COG5: variants seen among roughly 807,000 people sequenced by gnomAD.
The protein encoded by COG5 is conserved oligomeric Golgi complex subunit 5.
In COG5, 86 loss-of-function variants were observed where a neutral mutation model predicts 110.4. That is an observed-to-expected ratio of 0.78 (90% confidence interval 0.65 to 0.93). The LOEUF (loss-of-function observed/expected upper bound fraction) is 0.93. Ranked by LOEUF, COG5 falls within the 40% of genes least tolerant of loss-of-function variation. COG5 has a pLI of 0.00. For synonymous variants in COG5, 360 were observed against 334.6 expected, an observed-to-expected ratio of 1.08 and a Z score of -0.83; for missense variants, 1,077 against 987.0, an observed-to-expected ratio of 1.09 and a Z score of -1.22.
intron 11 of COG5, among the ~76,000 whole-genome samples, chr7:107,300,869 A>T (rs1268579058): frequency 6.6e-6 from 1 of 152,158 alleles, no homozygotes; most frequent in East Asian, 1.9e-4. Flanking sequence ...CAAAAACAAC[A>T]ATGTTGGAGT....
At chr7:107,388,463 A>G (rs1790364191) in intron 7 of COG5, among the ~76,000 whole-genome samples, 1 of 152,200 alleles carries the variant, frequency 6.6e-6, no homozygotes, top group Non-Finnish European at 1.5e-5. Context: ...AACATTCCAC[A>G]GGCATCCCAT....
At chr7:107,394,858 T>C (rs1790875443) in intron 7 of COG5, among the ~76,000 whole-genome samples, 1 of 152,190 alleles carries the variant, frequency 6.6e-6, no homozygotes, top group Non-Finnish European at 1.5e-5. Context: ...GGACTAACAA[T>C]CACATTTTAC....
In COG5 at chr7:107,563,725, T is replaced by A. The variant is rs565367638; in HGVS notation, c.94+78A>T. 2.6e-6 allele frequency: 4 copies of A among 1,537,612 alleles called. No homozygotes were observed. In the African/African-American group the frequency reaches 5.4e-5, roughly 21 times the overall value. On this transcript the variant is annotated intron_variant, in intron 1 of 21. Coordinates refer to ENST00000297135, the MANE Select transcript of COG5 (RefSeq NM_006348.5). ...GGAAAACTTTCTGCAAAGCAACGGG[T>A]TGGGTCCACCTCGCTGTCCAGGTGC...
At chr7:107,324,164 CAG>C (rs1287443092) in intron 11 of COG5, among the ~76,000 whole-genome samples, 3 of 152,086 alleles carry the variant, frequency 2.0e-5, no homozygotes, top group South Asian at 4.1e-4. Flanking sequence ...AAAATTCAGA[CAG>C]AGTTCTTCTG....
intron 18 of COG5, among the ~76,000 whole-genome samples, chr7:107,231,555 G>A (rs900650076): frequency 1.3e-5 from 2 of 152,110 alleles, no homozygotes; most frequent in East Asian, 1.9e-4. Context: ...TATAAATAGC[G>A]CCCTGGTAAA....
intron 14 of COG5, among the ~76,000 whole-genome samples, chr7:107,262,338 TTTCAGCAGTGAGTGATATC>T (rs1461802569): frequency 2.6e-5 from 4 of 152,162 alleles, no homozygotes; most frequent in African/African-American, 7.2e-5. Flanking sequence ...TTAAAATCAA[TTTCAGCAGTGAGTGATATC>T]TTCAGCAGTG....
rs1793710636 is a variant in COG5, at chr7:107,427,378, A to T, written c.539-14746T>A. On this transcript the variant is annotated intron_variant, in intron 6 of 21. Coordinates refer to ENST00000297135, the MANE Select transcript of COG5 (RefSeq NM_006348.5). ...TCTTCACTAAACTCCCTTCATGTTAACTCCCTGTGAAAACACTGCACACAC... is the reference window on the plus strand; with the variant it reads ...TCTTCACTAAACTCCCTTCATGTTATCTCCCTGTGAAAACACTGCACACAC... Among the ~76,000 whole-genome samples, 3 of 152,196 alleles carry T rather than the reference A, an allele frequency of 2.0e-5. No individual in the cohort carries two copies. The South Asian group carries it at 6.2e-4, about 32-fold the overall frequency.
At chr7:107,223,469 G>A (rs1433591077) in intron 19 of COG5, among the ~76,000 whole-genome samples, 1 of 152,192 alleles carries the variant, frequency 6.6e-6, no homozygotes, top group African/African-American at 2.4e-5. Flanking sequence ...GACCAGGTAG[G>A]AAAGGAGGCA....
intron 7 of COG5, among the ~76,000 whole-genome samples, chr7:107,377,944 T>C (rs1461978536): frequency 1.3e-5 from 2 of 152,154 alleles, no homozygotes; most frequent in African/African-American, 4.8e-5. Context: ...CCTCCTCAAG[T>C]AGGTTCCTGA....
intron 6 of COG5, among the ~76,000 whole-genome samples, chr7:107,506,644 T>C (rs1430035020): frequency 6.6e-6 from 1 of 152,098 alleles, no homozygotes; most frequent in Non-Finnish European, 1.5e-5. Flanking sequence ...ACACCCACAG[T>C]TTCCCAGTAG....
chr7:107,482,678 C>G (rs960614517), intron 6 of COG5, among the ~76,000 whole-genome samples: 6 of 151,894 alleles, frequency 4.0e-5, no homozygotes, highest in African/African-American at 1.5e-4. Context: ...TAATCCAGTA[C>G]TACATTAGAT....
At chr7:107,514,105 T>C (rs1417315294) in intron 6 of COG5, among the ~76,000 whole-genome samples, 2 of 152,078 alleles carry the variant, frequency 1.3e-5, no homozygotes, top group Non-Finnish European at 2.9e-5. Flanking sequence ...GGTGTTAATA[T>C]ATTGCAGCTA....
chr7:107,516,028 G>C (rs1799895657), intron 6 of COG5, among the ~76,000 whole-genome samples: 1 of 152,132 alleles, frequency 6.6e-6, no homozygotes, highest in Non-Finnish European at 1.5e-5. Context: ...CTAGTCCCAA[G>C]ACTCTTCTTA....
intron 10 of COG5, among the ~76,000 whole-genome samples, chr7:107,346,997 T>C (rs932770622): frequency 3.9e-5 from 6 of 152,214 alleles, no homozygotes; most frequent in African/African-American, 9.6e-5. Flanking sequence ...CATTTCAATT[T>C]TGATGAAAAA....
chr7:107,257,757 C>T (rs1181715664), intron 15 of COG5, among the ~76,000 whole-genome samples: 1 of 151,998 alleles, frequency 6.6e-6, no homozygotes. Context: ...TTTCAAATTT[C>T]TAGTAGAAAA....
chr7:107,441,255 CAAA>C (rs551026030), intron 6 of COG5, among the ~76,000 whole-genome samples: 1 of 71,318 alleles, frequency 1.4e-5, no homozygotes, highest in African/African-American at 5.7e-5. Flanking sequence ...GACTCCGTCT[CAAA>C]AAAAAAAAAA....
At chr7:107,356,017 T>G (rs1163095846) in intron 10 of COG5, among the ~76,000 whole-genome samples, 1 of 152,238 alleles carries the variant, frequency 6.6e-6, no homozygotes, top group African/African-American at 2.4e-5. Flanking sequence ...TGCATAACAT[T>G]GTACTTTCTG....
intron 1 of COG5, among the ~76,000 whole-genome samples, chr7:107,562,027 G>T (rs1205453028): frequency 3.3e-5 from 5 of 152,094 alleles, no homozygotes; most frequent in Admixed American, 6.5e-5. Context: ...CACTTCCGTT[G>T]CAATTGAAAA....
intron 19 of COG5, among the ~76,000 whole-genome samples, chr7:107,215,474 T>A (rs920661230): frequency 3.3e-5 from 5 of 152,000 alleles, no homozygotes; most frequent in African/African-American, 1.2e-4. Flanking sequence ...GAGACCATGC[T>A]GTGAATGGGG....
Sources: gnomAD v4.1 joint callset for allele counts (sites outside exome capture counted in the v4.1 genomes callset) on GRCh38, gnomAD v4.1.1 for gene constraint, MANE v1.5 for transcripts, NCBI Gene and HGNC (gene_info 2026-07-23, HGNC 2026-07-21) for gene names.